SLC3A1: variants seen among roughly 807,000 people sequenced by gnomAD.
SLC3A1 encodes solute carrier family 3 member 1.
In SLC3A1, 78 loss-of-function variants were observed where a neutral mutation model predicts 60.3. The ratio of observed to expected loss-of-function variants is 1.29; its 90% CI spans 1.08 to 1.56. SLC3A1 has a LOEUF of 1.56. SLC3A1 is among the 40% of genes most tolerant of loss of function. The pLI is 0.00. For synonymous variants in SLC3A1, 392 were observed against 307.9 expected (o/e 1.27, Z -2.86); for missense variants, 1,172 against 858.9 (o/e 1.36, Z -4.56).
chr2:44,286,262 A>G, intron 4 of SLC3A1, 105 bp downstream of exon 4: 1 of 1,016,708 alleles, frequency 9.8e-7, no homozygotes, highest in Non-Finnish European at 1.5e-6. Context: ...TCAAGTCTTT[A>G]ATTATTTGAA....
chr2:44,312,578 C>A lies in SLC3A1; in HGVS notation c.1333-8C>A. 1 of 1,613,582 alleles carries A rather than the reference C, an allele frequency of 6.2e-7. No individual in the cohort carries two copies. The highest frequency in any genetic ancestry group is 1.3e-5 in the African/African-American group (1 of 74,986). On this transcript the variant is annotated splice_polypyrimidine_tract_variant and splice_region_variant and intron_variant, in intron 7 of 9. Transcript: ENST00000260649. Reference sequence around the variant, plus strand: ...ACAGCTGTGTTCTTAAAAATATCTGCCTTTCAGATTGGTGGACCAGACAGT... The same window carrying A: ...ACAGCTGTGTTCTTAAAAATATCTGACTTTCAGATTGGTGGACCAGACAGT...
chr2:44,303,174 C>T (rs1672060650), intron 6 of SLC3A1, among the ~76,000 whole-genome samples: 1 of 149,080 alleles, frequency 6.7e-6, no homozygotes, highest in African/African-American at 2.5e-5. Context: ...GCACTCCAGC[C>T]TGGGCAATAA....
chr2:44,306,286 G>GA (rs1390572683), intron 7 of SLC3A1, among the ~76,000 whole-genome samples: 1 of 152,092 alleles, frequency 6.6e-6, no homozygotes, highest in East Asian at 1.9e-4. Context: ...ATGAAAACCT[G>GA]AAAGGATAAA....
chr2:44,279,198 C>T (rs1209988903), intron 1 of SLC3A1, among the ~76,000 whole-genome samples: 9 of 152,102 alleles, frequency 5.9e-5, no homozygotes. Context: ...TGGGGTTTCA[C>T]CATGTTGGCC....
intron 1 of SLC3A1, among the ~76,000 whole-genome samples, chr2:44,276,960 A>T (rs1431855346): frequency 1.3e-5 from 2 of 152,222 alleles, no homozygotes; most frequent in Non-Finnish European, 2.9e-5. Context: ...TGAAGAAAAC[A>T]AAACAGGATG....
At chr2:44,306,061 G>C (rs912813745) in intron 7 of SLC3A1, among the ~76,000 whole-genome samples, 1 of 152,172 alleles carries the variant, frequency 6.6e-6, no homozygotes, top group Non-Finnish European at 1.5e-5. Flanking sequence ...AGGTGCTCAG[G>C]CTCAGGGTTT....
intron 1 of SLC3A1, among the ~76,000 whole-genome samples, chr2:44,278,615 G>T (rs1309553373): frequency 2.0e-5 from 3 of 152,120 alleles, no homozygotes; most frequent in Non-Finnish European, 2.9e-5. Context: ...GTCACATCAG[G>T]ATTACACAGA....
chr2:44,317,322 C>T (rs1309059152), intron 9 of SLC3A1, among the ~76,000 whole-genome samples: 2 of 151,998 alleles, frequency 1.3e-5, no homozygotes, highest in African/African-American at 2.4e-5. Flanking sequence ...ATTAGCTGGG[C>T]ATAGTGGCAC....
In SLC3A1 at chr2:44,301,003, G is replaced by A. The variant is rs140452488; in HGVS notation, c.1012G>A (p.Asp338Asn). Reference sequence around the variant, plus strand: ...AACCATGTCGTCCTGGTTTTCAAAGGACACGGTCACACAATACTCGGAGCT... The same window carrying A: ...AACCATGTCGTCCTGGTTTTCAAAGAACACGGTCACACAATACTCGGAGCT... ...EIQVNKTQIP[D>N]TVTQYSELYH... Residue 338 changes from aspartate (D) to asparagine (N), a missense_variant and splice_region_variant, in exon 6 of 10, where the codon GAC becomes AAC. Physicochemically the swap from Asp to Asn is conservative, Grantham distance 23. Coordinates refer to ENST00000260649, the MANE Select transcript of SLC3A1 (RefSeq NM_000341.4). 1.2e-6 allele frequency: 2 copies of A among 1,613,816 alleles called. No individual in the cohort carries two copies. The highest frequency in any genetic ancestry group is 1.7e-5 in the Admixed American group (1 of 59,990).
rs372603963 is a variant in SLC3A1 at position 44,275,520 on chromosome 2, C to T, written c.-16C>T. 125 of 1,611,972 alleles carry T rather than the reference C, an allele frequency of 7.8e-5. No individual in the cohort carries two copies. The highest frequency in any genetic ancestry group is 9.3e-5 in the African/African-American group (7 of 75,014). ...TTACTGCAGGAAGGCACTCCGAAGA[C>T]ATAAGTCGGTGAGACATGGCTGAAG... On this transcript the variant is annotated 5_prime_UTR_variant, in exon 1 of 10. Coordinates refer to ENST00000260649, the MANE Select transcript of SLC3A1 (RefSeq NM_000341.4).
At position 44,313,884 on chromosome 2, in the gene SLC3A1, C is replaced by G; in HGVS notation, c.1550C>G (p.Ala517Gly). ...SPMQWDNSSN[A>G]GFSEASNTWL... ...ATGCAGTGGGACAATAGTTCAAATG[C>G]TGGTTTTTCTGAAGCTAGTAACACC... The change falls in exon 9 of 10, where the codon GCT (alanine) becomes GGT (glycine). Residue 517 changes from alanine to glycine, a missense_variant. Ala to Gly is a moderately conservative substitution (Grantham distance 60). Transcript: ENST00000260649. 2 of 1,614,084 alleles carry G rather than the reference C, an allele frequency of 1.2e-6. No individual in the cohort carries two copies. The highest frequency in any genetic ancestry group is 2.2e-5 in the East Asian group (1 of 44,866).
At chr2:44,305,427 C>CTTT (rs139686441) in intron 7 of SLC3A1, among the ~76,000 whole-genome samples, 1 of 115,894 alleles carries the variant, frequency 8.6e-6, no homozygotes, top group Admixed American at 8.9e-5. Context: ...TCTTTTCTTA[C>CTTT]TTTTTTTTTT....
Position 44,275,626 on chromosome 2 carries a change from C to G in SLC3A1, c.91C>G (p.Leu31Val), listed in dbSNP as rs938605477. Reference sequence around the variant, plus strand: ...CGGGTTTGTCCATAATGAAGACATTCTGGAGCAGACCCCGGATCCAGGAAG... The same window carrying G: ...CGGGTTTGTCCATAATGAAGACATTGTGGAGCAGACCCCGGATCCAGGAAG... ...NNGFVHNEDI[L>V]EQTPDPGSST... The change falls in exon 1 of 10, where the codon CTG becomes GTG. Residue 31 changes from leucine (L) to valine (V), a missense_variant. Leu to Val is a conservative substitution (Grantham distance 32). Transcript: ENST00000260649. 5 of 1,613,926 alleles carry G rather than the reference C, an allele frequency of 3.1e-6. No individual in the cohort carries two copies. The East Asian group carries it at 1.1e-4, about 36-fold the overall frequency.
intron 4 of SLC3A1, among the ~76,000 whole-genome samples, chr2:44,294,702 T>TCC (rs755676073): frequency 2.7e-4 from 41 of 152,254 alleles, no homozygotes; most frequent in East Asian, 1.2e-3. Flanking sequence ...CCTTGATCTT[T>TCC]CCTCTACTTC....
chr2:44,309,193 T>G (rs576584144), intron 7 of SLC3A1, among the ~76,000 whole-genome samples: 2 of 152,318 alleles, frequency 1.3e-5, no homozygotes, highest in African/African-American at 4.8e-5. Context: ...AGAAAATCTG[T>G]ACCCACTAAA....
intron 9 of SLC3A1, among the ~76,000 whole-genome samples, chr2:44,317,126 A>C (rs1672493735): frequency 6.6e-6 from 1 of 152,168 alleles, no homozygotes; most frequent in Admixed American, 6.5e-5. Context: ...TGAGCTGTTC[A>C]GTAGCCATTA....
chr2:44,318,249 C>T (rs1167788134), intron 9 of SLC3A1: 2 of 317,698 alleles, frequency 6.3e-6, no homozygotes, highest in Non-Finnish European at 1.3e-5. Flanking sequence ...CGTCATTATG[C>T]CCGGGTAATT....
chr2:44,314,268 C>T, intron 9 of SLC3A1: 1 of 578,598 alleles, frequency 1.7e-6, no homozygotes, highest in South Asian at 2.2e-5. Context: ...GCCTTTCCTC[C>T]TCTCTTCCCC....
At chr2:44,319,507 A>C (rs747189648) in intron 9 of SLC3A1, 1 of 152,298 alleles carries the variant, frequency 6.6e-6, no homozygotes, top group Non-Finnish European at 1.5e-5. Context: ...TATGGAGGCT[A>C]TATTATATAG....
Sources: gnomAD v4.1 joint callset for allele counts (sites outside exome capture counted in the v4.1 genomes callset) on GRCh38, gnomAD v4.1.1 for gene constraint, MANE v1.5 for transcripts, NCBI Gene and HGNC (gene_info 2026-07-23, HGNC 2026-07-21) for gene names.